Variants in A1CF observed in about 807,000 individuals in gnomAD.
A1CF encodes the protein APOBEC1 complementation factor, also known as APOBEC-1 stimulating protein.
A neutral mutation model predicts 68.9 loss-of-function variants in A1CF; 48 were observed. The ratio of observed to expected loss-of-function variants is 0.70; its 90% CI spans 0.55 to 0.89. A1CF has a LOEUF of 0.89. A1CF is among the 40% of genes least tolerant of loss of function. A1CF has a pLI of 0.00. For missense variants in A1CF, 653 were observed against 718.9 expected, an observed-to-expected ratio of 0.91 and a Z score of 1.05; for synonymous variants, 272 against 260.4, an observed-to-expected ratio of 1.04 and a Z score of -0.43.
intron 6 of A1CF, 138 bp downstream of exon 6, chr10:50,835,936 G>A (rs1252961229): frequency 2.9e-5 from 23 of 781,084 alleles, no homozygotes; most frequent in Middle Eastern, 3.8e-4. Context: ...AATCAACTGT[G>A]AGACAGTGAA....
rs1433986498 is a variant in A1CF, at chr10:50,883,045, T to G, written c.-94+2536A>C. Among the ~76,000 whole-genome samples, 5 of 152,176 alleles carry G rather than the reference T, an allele frequency of 3.3e-5. No homozygotes were observed. The East Asian group carries it at 9.6e-4, about 29-fold the overall frequency. ...GTGTGTGCTTTAATACTAAAAAAAT[T>G]TACAGACTGTCTTTCTCTGAATAAA... On this transcript the variant is annotated intron_variant, in intron 1 of 12. Transcript: ENST00000373997.
chr10:50,851,630 T>C (rs1840244623), intron 3 of A1CF, among the ~76,000 whole-genome samples: 1 of 152,204 alleles, frequency 6.6e-6, no homozygotes, highest in Non-Finnish European at 1.5e-5. Context: ...AGCTCTGCAC[T>C]CTAGTTCTGC....
At chr10:50,825,923 G>T (rs116909632) in intron 7 of A1CF, among the ~76,000 whole-genome samples, 195 of 152,168 alleles carry the variant, frequency 1.3e-3, no homozygotes, top group Non-Finnish European at 2.6e-3. Flanking sequence ...GGCATTTTTC[G>T]TTGTCACATC....
chr10:50,826,468 G>GCCAAT (rs1213898307), intron 7 of A1CF, among the ~76,000 whole-genome samples: 5 of 152,202 alleles, frequency 3.3e-5, no homozygotes, highest in East Asian at 1.9e-4. Context: ...GAGAGTGGGG[G>GCCAAT]CCAATATTCA....
Position 50,840,373 on chromosome 10 carries a change from G to A in A1CF, c.365+1489C>T, listed in dbSNP as rs149409181. The stretch of plus-strand genomic sequence containing the variant: ...ATAGCAATAAACCTATGAAATAGAT[G>A]GTATCCCCATTTTATAGATGAGGAA... On this transcript the variant is annotated intron_variant, in intron 5 of 12. Coordinates refer to ENST00000373997, the MANE Select transcript of A1CF (RefSeq NM_014576.4). 3.2e-4 allele frequency among the ~76,000 whole-genome samples: 48 copies of A among 152,088 alleles called. 2 individuals carry two copies. The East Asian group carries it at 8.5e-3, about 27-fold the overall frequency.
chr10:50,817,098 T>G (rs1838408894), intron 8 of A1CF, among the ~76,000 whole-genome samples: 1 of 152,154 alleles, frequency 6.6e-6, no homozygotes, highest in Non-Finnish European at 1.5e-5. Flanking sequence ...AGATAATGGA[T>G]GTATGTAGAT....
At position 50,836,126 on chromosome 10, in the gene A1CF, C is replaced by T; in HGVS notation, c.552G>A (p.Val184=). The change falls in exon 6 of 13, where the codon GTG becomes GTA. Residue 184 remains valine, a synonymous_variant. Coordinates refer to ENST00000373997, the MANE Select transcript of A1CF (RefSeq NM_014576.4). ...CAGCTGCTCGATGACTCTCATACTC[C>T]ACGAAGGCAAAGCCTCGGTTTTTGG... The part of the protein sequence containing the change: ...DKTKNRGFAF[V]EYESHRAAAM... The T allele has an allele frequency of 6.2e-7, 1 of 1,613,982 alleles. No individual in the cohort carries two copies. Among genetic ancestry groups the T allele is most frequent in the South Asian group, 1.1e-5 (1 of 91,068 alleles).
rs1837544169 is a variant in A1CF at position 50,800,214 on chromosome 10, G to A, written c.*6515C>T. Reference sequence around the variant, plus strand: ...TCATTAACATCATAAATCAGTAGGTGAATTTATCAATTCCATGTTTTAATT... The same window carrying A: ...TCATTAACATCATAAATCAGTAGGTAAATTTATCAATTCCATGTTTTAATT... On this transcript the variant is annotated 3_prime_UTR_variant, in exon 13 of 13. Transcript: ENST00000373997. 1 of 152,084 alleles carries A rather than the reference G, an allele frequency of 6.6e-6. No homozygotes were observed. The highest frequency in any genetic ancestry group is 2.1e-4 in the South Asian group (1 of 4,826). 9.4% of individuals were successfully genotyped at this position (152,084 alleles called of 1,614,324 possible).
intron 6 of A1CF, among the ~76,000 whole-genome samples, chr10:50,828,739 T>G (rs1009437217): frequency 6.6e-6 from 1 of 152,138 alleles, no homozygotes; most frequent in South Asian, 2.1e-4. Context: ...GAATCTGTGT[T>G]GTTAATTAGG....
In A1CF at chr10:50,806,754, C is replaced by T. The variant is rs530902814; in HGVS notation, c.1736G>A (p.Arg579Gln). 6.0e-5 allele frequency: 96 copies of T among 1,609,776 alleles called. No homozygotes were observed. Among genetic ancestry groups the T allele is most frequent in the African/African-American group, 5.2e-4 (39 of 74,742 alleles). ...TCAGAAGGTGCCATATCCATCCCCT[C>T]GGGCAGTCACTGCAAAAGTTGGGTA... is the stretch of plus-strand genomic sequence containing the variant. ...EVYPTFAVTA[R>Q]GDGYGTF is the part of the protein sequence containing the mutation. Residue 579 changes from arginine (R) to glutamine (Q), a missense_variant, in exon 13 of 13, where the codon CGA becomes CAA. Arg to Gln is a conservative substitution (Grantham distance 43). Coordinates refer to ENST00000373997, the MANE Select transcript of A1CF (RefSeq NM_014576.4).
intron 1 of A1CF, among the ~76,000 whole-genome samples, chr10:50,875,548 A>G (rs957755090): frequency 1.3e-5 from 2 of 152,254 alleles, no homozygotes; most frequent in Non-Finnish European, 2.9e-5. Flanking sequence ...GTGAATTGCT[A>G]TGAATTCTAA....
chr10:50,811,983 GTC>G (rs1422409469), intron 10 of A1CF, among the ~76,000 whole-genome samples: 1 of 152,202 alleles, frequency 6.6e-6, no homozygotes, highest in East Asian at 1.9e-4. Context: ...ACAGAACAAT[GTC>G]TCAGGATGTG....
At chr10:50,836,003 A>G in intron 6 of A1CF, 71 bp downstream of exon 6, 2 of 1,396,446 alleles carry the variant, frequency 1.4e-6, no homozygotes, top group Non-Finnish European at 1.9e-6. Context: ...AAAATTAAAA[A>G]TGCTTATTTT....
intron 1 of A1CF, among the ~76,000 whole-genome samples, chr10:50,873,572 C>T (rs531559353): frequency 2.6e-5 from 4 of 152,186 alleles, no homozygotes; most frequent in African/African-American, 7.2e-5. Context: ...TTTGGTGACA[C>T]CCATGGCTAA....
chr10:50,842,663 T>G (rs1167871913), intron 4 of A1CF, among the ~76,000 whole-genome samples: 5 of 152,360 alleles, frequency 3.3e-5, no homozygotes, highest in Admixed American at 3.3e-4. Context: ...AATTGTCCTC[T>G]GAAATCTCCA....
In A1CF at chr10:50,804,385, A is replaced by G. The variant is rs1384545290; in HGVS notation, c.*2344T>C. 1 of 152,216 alleles carries G rather than the reference A, an allele frequency of 6.6e-6. No individual in the cohort carries two copies. Among genetic ancestry groups the G allele is most frequent in the East Asian group, 1.9e-4 (1 of 5,202 alleles). The allele number at this position is 152,216 out of a possible 1,614,324, so 9.4% of individuals were successfully genotyped here. On this transcript the variant is annotated 3_prime_UTR_variant, in exon 13 of 13. Transcript: ENST00000373997. ...GCGATTAAATTTAAAACTTCTCTAAATCAAACCTAATTTGCATTGACAAGA... is the reference window on the plus strand; with the variant it reads ...GCGATTAAATTTAAAACTTCTCTAAGTCAAACCTAATTTGCATTGACAAGA...
At chr10:50,867,842 C>T (rs748802169) in intron 1 of A1CF, among the ~76,000 whole-genome samples, 40 of 152,224 alleles carry the variant, frequency 2.6e-4, no homozygotes, top group African/African-American at 7.0e-4. Context: ...ATATCTGCAA[C>T]GTGGTAGACA....
chr10:50,822,661 C>A (rs780557751), intron 7 of A1CF: 12 of 152,124 alleles, frequency 7.9e-5, no homozygotes, highest in Non-Finnish European at 1.3e-4. Context: ...TCTGGCCAGG[C>A]TAAGGATAAA....
At chr10:50,855,280 G>A (rs35754806) in intron 3 of A1CF, among the ~76,000 whole-genome samples, 4,146 of 151,798 alleles carry the variant, frequency 0.027, 89 homozygotes, top group Non-Finnish European at 0.041. Context: ...TTCGAAATCA[G>A]GAAGTACAGT....
Sources: allele counts gnomAD v4.1 joint callset (sites outside exome capture counted in the v4.1 genomes callset), GRCh38; gene constraint gnomAD v4.1.1; transcripts MANE v1.5; gene names NCBI Gene and HGNC (gene_info 2026-07-23, HGNC 2026-07-21).